The following PCNT variants were observed in gnomAD, a reference collection of about 807,000 sequenced individuals.
PCNT encodes the protein pericentrin.
In PCNT, 319 loss-of-function variants were observed where a neutral mutation model predicts 380.4. The observed-to-expected ratio is 0.84, with a 90% CI of 0.77 to 0.92. PCNT has a LOEUF of 0.92. PCNT is among the 40% of genes least tolerant of loss of function. The pLI is 0.00. For missense variants in PCNT, 4,400 were observed against 4,255.3 expected, an observed-to-expected ratio of 1.03 and a Z score of -0.95; for synonymous variants, 1,845 against 1,735.2, an observed-to-expected ratio of 1.06 and a Z score of -1.57.
chr21:46,374,849 CAAAAAAA>C (rs760273140), intron 15 of PCNT, among the ~76,000 whole-genome samples: 3 of 85,560 alleles, frequency 3.5e-5, no homozygotes, highest in Admixed American at 2.8e-4. Context: ...AACTTCGTCT[CAAAAAAA>C]AAAAAAAAAA....
chr21:46,415,439 G>A (rs774790168), intron 29 of PCNT, among the ~76,000 whole-genome samples: 14 of 141,630 alleles, frequency 9.9e-5, no homozygotes, highest in Non-Finnish European at 1.2e-4. Flanking sequence ...GTGCAGTGGC[G>A]AGATCTTGAG....
At chr21:46,329,439 T>G (rs1222257045) in intron 2 of PCNT, among the ~76,000 whole-genome samples, 1 of 152,256 alleles carries the variant, frequency 6.6e-6, no homozygotes, top group African/African-American at 2.4e-5. Context: ...GTTTTTGGTA[T>G]TTCCTACAAT....
rs753994396 is a variant in PCNT, at chr21:46,416,567, G to A, written c.6649G>A (p.Gly2217Arg). 25 of 1,611,750 alleles carry A rather than the reference G, an allele frequency of 1.6e-5. No individual in the cohort carries two copies. The East Asian group carries it at 5.1e-4, about 33-fold the overall frequency. Reference protein sequence around the residue: ...AEAGPRKSPVGMLDLSSWSSP... With the variant: ...AEAGPRKSPVRMLDLSSWSSP... ...GGCTGGGCCCCGGAAGAGCCCGGTC[G>A]GGATGCTGGACCTGTCTTCCTGGAG... is the stretch of plus-strand genomic sequence containing the variant. The change falls in exon 30 of 47, where the codon GGG (glycine) becomes AGG (arginine). Residue 2217 changes from glycine (G) to arginine (R), a missense_variant. Coordinates refer to ENST00000359568, the MANE Select transcript of PCNT (RefSeq NM_006031.6).
intron 16 of PCNT, 103 bp downstream of exon 16, chr21:46,381,943 T>G (rs1383613419): frequency 8.0e-7 from 1 of 1,247,318 alleles, no homozygotes; most frequent in Non-Finnish European, 1.2e-6. Flanking sequence ...GCACTCATGG[T>G]GTTGTGCATT....
At chr21:46,338,266 C>T (rs1420406187) in intron 3 of PCNT, among the ~76,000 whole-genome samples, 1 of 152,202 alleles carries the variant, frequency 6.6e-6, no homozygotes, top group East Asian at 1.9e-4. Context: ...AGAACAACCC[C>T]AGCCCCCAAG....
At chr21:46,376,834 A>C (rs1423668045) in intron 15 of PCNT, among the ~76,000 whole-genome samples, 1 of 152,228 alleles carries the variant, frequency 6.6e-6, no homozygotes, top group Non-Finnish European at 1.5e-5. Context: ...TCAGAAGTTA[A>C]TCTTAAGTCC....
At chr21:46,357,325 C>T (rs961837096) in intron 13 of PCNT, 134 bp downstream of exon 13, 28 of 732,338 alleles carry the variant, frequency 3.8e-5, no homozygotes, top group African/African-American at 2.9e-4. Context: ...TTTGTAAGGG[C>T]GACAGTCCCG....
Position 46,425,240 on chromosome 21 carries a change from C to T in PCNT, c.7180-591C>T, listed in dbSNP as rs1354340845. On this transcript the variant is annotated intron_variant, in intron 32 of 46. Coordinates refer to ENST00000359568, the MANE Select transcript of PCNT (RefSeq NM_006031.6). This position sits in a 1 kb window ranked among gnomAD's most constrained non-coding sequence, Gnocchi z 4.2. ...GTGTGTGTCCGGACACCAGCTGCTG[C>T]GTAATCGGTGGGATAAAGCAGCCGC... 2.0e-5 allele frequency among the ~76,000 whole-genome samples: 3 copies of T among 152,160 alleles called. No individual in the cohort carries two copies. Among genetic ancestry groups the T allele is most frequent in the East Asian group, 1.9e-4 (1 of 5,180 alleles).
At chr21:46,430,867 G>A (rs989665251) in intron 37 of PCNT, 8 of 985,320 alleles carry the variant, frequency 8.1e-6, no homozygotes, top group African/African-American at 1.7e-5. Flanking sequence ...GCGATGACCC[G>A]TGGTGGCACG....
intron 39 of PCNT, among the ~76,000 whole-genome samples, chr21:46,436,412 T>C (rs562679355): frequency 2.4e-3 from 356 of 149,728 alleles, no homozygotes; most frequent in Non-Finnish European, 3.6e-3. Context: ...GGCTTGGTTC[T>C]CTTTACACTC....
intron 32 of PCNT, among the ~76,000 whole-genome samples, chr21:46,424,400 T>C (rs978627779): frequency 7.9e-5 from 12 of 152,150 alleles, no homozygotes; most frequent in African/African-American, 2.9e-4. Flanking sequence ...GCCCTAGTGA[T>C]TGTGTCTGTG....
intron 21 of PCNT, among the ~76,000 whole-genome samples, chr21:46,395,605 T>C (rs1399777060): frequency 6.9e-6 from 1 of 145,094 alleles, no homozygotes; most frequent in African/African-American, 2.6e-5. Flanking sequence ...AATAATAAAA[T>C]AGAGACTTCA....
rs201885668 is a variant in PCNT, at chr21:46,367,119, G to A, written c.3145G>A (p.Glu1049Lys). Reference sequence around the variant, plus strand: ...AGAGCTCGCCGGAACCGTGGCTCACGAGCTGCAGGGAGTGCACCAGGTAAG... The same window carrying A: ...AGAGCTCGCCGGAACCGTGGCTCACAAGCTGCAGGGAGTGCACCAGGTAAG... ...STELAGTVAH[E>K]LQGVHQGEFG... The change falls in exon 15 of 47, where the codon GAG becomes AAG. Residue 1049 changes from glutamate to lysine, a missense_variant. Coordinates refer to ENST00000359568, the MANE Select transcript of PCNT (RefSeq NM_006031.6). The A allele has an allele frequency of 1.1e-5, 18 of 1,612,896 alleles. No individual in the cohort carries two copies. The Admixed American group carries it at 1.2e-4, about 10-fold the overall frequency.
chr21:46,351,292 T>C (rs1332580661), intron 8 of PCNT, 137 bp from the exon 9 acceptor site: 1 of 715,522 alleles, frequency 1.4e-6, no homozygotes, highest in Admixed American at 2.0e-5. Context: ...TGTGGCTGGC[T>C]TTCTCCGAGC....
intron 10 of PCNT, among the ~76,000 whole-genome samples, chr21:46,353,739 TGTGTGTGTGTGTGA>T (rs1467813070): frequency 2.5e-4 from 34 of 138,674 alleles, no homozygotes; most frequent in African/African-American, 6.9e-4. Flanking sequence ...TGTGTGTGTG[TGTGTGTGTGTGTGA>T]GAGAGACAGA....
At chr21:46,385,809 G>T in intron 16 of PCNT, 23 bp from the exon 17 acceptor site, 1 of 1,613,990 alleles carries the variant, frequency 6.2e-7, no homozygotes, top group Non-Finnish European at 8.5e-7. Flanking sequence ...TTTAACGAAA[G>T]CTTTAACCAT....
At chr21:46,414,277 C>T (rs1023659844) in intron 29 of PCNT, among the ~76,000 whole-genome samples, 2 of 152,178 alleles carry the variant, frequency 1.3e-5, no homozygotes, top group Non-Finnish European at 2.9e-5. Context: ...CAGGCGTGAG[C>T]CACCACGCCC....
intron 16 of PCNT, among the ~76,000 whole-genome samples, chr21:46,383,934 A>G (rs112269452): frequency 2.6e-4 from 33 of 126,628 alleles, no homozygotes; most frequent in East Asian, 8.7e-4. Flanking sequence ...GTTCAGTGGC[A>G]GAAGCGCATT....
intron 21 of PCNT, among the ~76,000 whole-genome samples, chr21:46,395,733 C>T (rs1043216080): frequency 2.6e-5 from 4 of 151,554 alleles, no homozygotes; most frequent in South Asian, 2.1e-4. Context: ...CTTCAGGATT[C>T]GGCAGCAGAC....
Sources: gnomAD v4.1 joint callset for allele counts (sites outside exome capture counted in the v4.1 genomes callset) on GRCh38, gnomAD v4.1.1 for gene constraint, Gnocchi (gnomAD v3.1) non-coding constraint, MANE v1.5 for transcripts, NCBI Gene and HGNC (gene_info 2026-07-23, HGNC 2026-07-21) for gene names.